Variants in CCSER1 observed in about 807,000 individuals in gnomAD.
The protein encoded by CCSER1 is coiled-coil serine rich protein 1, also known as serine-rich coiled-coil domain-containing protein 1.
Under a neutral mutation model 82.0 loss-of-function variants are expected in CCSER1, and 41 were observed. That is an observed-to-expected ratio of 0.50 (90% confidence interval 0.39 to 0.65). The LOEUF (loss-of-function observed/expected upper bound fraction) is 0.65, where lower values mean the gene tolerates loss of function less well. Ranked by LOEUF, CCSER1 falls within the 30% of genes least tolerant of loss-of-function variation. The pLI is 0.00. For synonymous variants in CCSER1, 414 were observed against 383.9 expected, an observed-to-expected ratio of 1.08 and a Z score of -0.92; for missense variants, 1,119 against 1,064.2, an observed-to-expected ratio of 1.05 and a Z score of -0.72.
At chr4:91,204,740 A>G (rs1736207507) in intron 10 of CCSER1, among the ~76,000 whole-genome samples, 1 of 151,812 alleles carries the variant, frequency 6.6e-6, no homozygotes, top group Non-Finnish European at 1.5e-5. Context: ...TCATTTAACC[A>G]TATACCTTCT....
chr4:90,608,274 A>G (rs935829491), intron 5 of CCSER1, among the ~76,000 whole-genome samples: 24 of 152,292 alleles, frequency 1.6e-4, no homozygotes, highest in African/African-American at 5.3e-4. Flanking sequence ...GAGGTTCGTC[A>G]CCCAAACTCA....
At chr4:90,932,238 G>A (rs1028948324) in intron 9 of CCSER1, among the ~76,000 whole-genome samples, 8 of 152,162 alleles carry the variant, frequency 5.3e-5, no homozygotes, top group Admixed American at 2.0e-4. Context: ...GCATTTCAGA[G>A]TACTGAAAGC....
At chr4:91,307,530 T>A (rs1745156060) in intron 10 of CCSER1, among the ~76,000 whole-genome samples, 1 of 151,990 alleles carries the variant, frequency 6.6e-6, no homozygotes, top group African/African-American at 2.4e-5. Flanking sequence ...CTTGGTATAC[T>A]TATACCATGG....
In CCSER1 at chr4:91,360,394, C is replaced by T. The variant is rs547336593; in HGVS notation, c.2218-238178C>T. Among the ~76,000 whole-genome samples, 20 of 151,108 alleles carry T rather than the reference C, an allele frequency of 1.3e-4. 1 individual carries two copies. The highest frequency in any genetic ancestry group is 3.0e-4 in the Non-Finnish European group (20 of 67,512). ...ACTACATTATGAACTGGGAATAAAA[C>T]TAATAGTTAAGACACAAACCTTCAA... On this transcript the variant is annotated intron_variant, in intron 10 of 10. Transcript: ENST00000509176.
At chr4:91,343,078 CAT>C (rs1320050767) in intron 10 of CCSER1, among the ~76,000 whole-genome samples, 1 of 151,896 alleles carries the variant, frequency 6.6e-6, no homozygotes, top group Admixed American at 6.6e-5. Flanking sequence ...ATTATAAATA[CAT>C]GTTACAAATT....
chr4:90,927,644 G>A (rs1307877599), intron 9 of CCSER1, among the ~76,000 whole-genome samples: 1 of 151,850 alleles, frequency 6.6e-6, no homozygotes, highest in Admixed American at 6.6e-5. Flanking sequence ...TACACATGAG[G>A]AAAATAATAT....
At chr4:90,948,819 AT>A (rs1361777922) in intron 9 of CCSER1, among the ~76,000 whole-genome samples, 1 of 151,982 alleles carries the variant, frequency 6.6e-6, no homozygotes, top group African/African-American at 2.4e-5. Context: ...TTTTTGTTTA[AT>A]TATTTATTCA....
In CCSER1 at chr4:90,153,707, T is replaced by C. The variant is rs752364406; in HGVS notation, c.-42+25876T>C. Among the ~76,000 whole-genome samples, 67 of 152,366 alleles carry C rather than the reference T, an allele frequency of 4.4e-4. No homozygotes were observed. In the Middle Eastern group the frequency reaches 0.01, roughly 23 times the overall value. On this transcript the variant is annotated intron_variant, in intron 1 of 10. Transcript: ENST00000509176. Reference sequence around the variant, plus strand: ...TTCTTTTGAGAAGTGTCTGTTCATATCCTTCACCCACTTTTTGATGGGTTT... The same window carrying C: ...TTCTTTTGAGAAGTGTCTGTTCATACCCTTCACCCACTTTTTGATGGGTTT...
chr4:90,733,706 A>G (rs1047845208), intron 7 of CCSER1, among the ~76,000 whole-genome samples: 2 of 152,126 alleles, frequency 1.3e-5, no homozygotes, highest in African/African-American at 4.8e-5. Flanking sequence ...TTTGTATATG[A>G]TCAGAGATAG....
intron 5 of CCSER1, among the ~76,000 whole-genome samples, chr4:90,571,552 C>T (rs1780120142): frequency 6.6e-6 from 1 of 152,040 alleles, no homozygotes; most frequent in Non-Finnish European, 1.5e-5. Flanking sequence ...CTTAGGAACA[C>T]ATGGACATAA....
chr4:91,068,471 C>A (rs1721075071), intron 9 of CCSER1, among the ~76,000 whole-genome samples: 1 of 152,072 alleles, frequency 6.6e-6, no homozygotes, highest in African/African-American at 2.4e-5. Flanking sequence ...GAAATAAACA[C>A]ATTTAATAAA....
intron 1 of CCSER1, among the ~76,000 whole-genome samples, chr4:90,251,493 T>C (rs1179415563): frequency 1.3e-5 from 2 of 151,890 alleles, no homozygotes; most frequent in Non-Finnish European, 2.9e-5. Flanking sequence ...ATGTGCTTTT[T>C]GTTCTTTAGT....
intron 6 of CCSER1, among the ~76,000 whole-genome samples, chr4:90,674,291 C>T (rs914984799): frequency 6.6e-6 from 1 of 151,888 alleles, no homozygotes; most frequent in Non-Finnish European, 1.5e-5. Context: ...GAATCATTTA[C>T]TCTTATTTCT....
At chr4:90,185,910 A>G (rs1055382237) in intron 1 of CCSER1, among the ~76,000 whole-genome samples, 3 of 152,184 alleles carry the variant, frequency 2.0e-5, no homozygotes, top group Admixed American at 6.6e-5. Context: ...CACAGATAAC[A>G]TGGTACTTTT....
At chr4:91,004,347 T>C (rs75083485) in intron 9 of CCSER1, among the ~76,000 whole-genome samples, 304 of 152,322 alleles carry the variant, frequency 2.0e-3, no homozygotes, top group Middle Eastern at 6.8e-3. Flanking sequence ...GTCTCCCAAC[T>C]GGGCCCTCAG....
intron 3 of CCSER1, among the ~76,000 whole-genome samples, chr4:90,388,424 C>A (rs1439417477): frequency 6.6e-6 from 1 of 151,954 alleles, no homozygotes; most frequent in Admixed American, 6.6e-5. Context: ...ATTCTCCTGC[C>A]TCAGCCTCCT....
intron 10 of CCSER1, among the ~76,000 whole-genome samples, chr4:91,433,630 A>C (rs1449815809): frequency 6.6e-6 from 1 of 152,234 alleles, no homozygotes; most frequent in Non-Finnish European, 1.5e-5. Context: ...TGCAGTATTC[A>C]GTACAATAAC....
At chr4:90,747,186 C>T (rs773554781) in intron 7 of CCSER1, among the ~76,000 whole-genome samples, 1 of 152,146 alleles carries the variant, frequency 6.6e-6, no homozygotes, top group African/African-American at 2.4e-5. Flanking sequence ...GTATTGAGAT[C>T]ATAATCCTAA....
In CCSER1 at chr4:90,128,805, A is replaced by G. The variant is rs549331567; in HGVS notation, c.-42+974A>G. ...GTGAAATTTCTTGGGGTTTCCTTTTAGTGTATCCTGAACTGCTCTCTTTCT... is the reference window on the plus strand; with the variant it reads ...GTGAAATTTCTTGGGGTTTCCTTTTGGTGTATCCTGAACTGCTCTCTTTCT... On this transcript the variant is annotated intron_variant, in intron 1 of 10. Transcript: ENST00000509176. Among the ~76,000 whole-genome samples, 132 of 151,788 alleles carry G rather than the reference A, an allele frequency of 8.7e-4. 1 individual carries two copies. The highest frequency in any genetic ancestry group is 1.9e-4 in the East Asian group (1 of 5,152).
Sources: gnomAD v4.1 joint callset for allele counts (sites outside exome capture counted in the v4.1 genomes callset) on GRCh38, gnomAD v4.1.1 for gene constraint, MANE v1.5 for transcripts, NCBI Gene and HGNC (gene_info 2026-07-23, HGNC 2026-07-21) for gene names.